The following TMEM132B variants were observed in gnomAD, a reference collection of about 807,000 sequenced individuals.
TMEM132B encodes the protein transmembrane protein 132B.
Under a neutral mutation model 90.8 loss-of-function variants are expected in TMEM132B, and 18 were observed. That is an observed-to-expected ratio of 0.20 (90% CI 0.14 to 0.29). The LOEUF (loss-of-function observed/expected upper bound fraction) is 0.29, where lower values mean the gene tolerates loss of function less well. TMEM132B is among the 10% of genes least tolerant of loss of function. The pLI, the probability that TMEM132B is intolerant of heterozygous loss-of-function variation, is 1.00. For missense variants in TMEM132B, 1,096 were observed against 1,326.8 expected (o/e 0.83, Z 2.70); for synonymous variants, 504 against 523.3 (o/e 0.96, Z 0.50).
Position 125,583,796 on chromosome 12 carries a change from C to T in TMEM132B, c.1294-55C>T, listed in dbSNP as rs1050024726. On this transcript the variant is annotated intron_variant, in intron 4 of 8. Transcript: ENST00000682704. ...GAGCTTGGTGGACACCCCTCTCCTGCTCGCCCCTGTGGTATGCACGTTTGC... is the reference window on the plus strand; with the variant it reads ...GAGCTTGGTGGACACCCCTCTCCTGTTCGCCCCTGTGGTATGCACGTTTGC... 9 of 1,596,818 alleles carry T rather than the reference C, an allele frequency of 5.6e-6. No homozygotes were observed. In the African/African-American group the frequency reaches 8.1e-5, roughly 14 times the overall value.
At chr12:125,405,185 T>C (rs745486298) in intron 2 of TMEM132B, among the ~76,000 whole-genome samples, 4 of 152,198 alleles carry the variant, frequency 2.6e-5, no homozygotes, top group African/African-American at 4.8e-5. Flanking sequence ...GTCCGTAGGG[T>C]TGAGAAACCT....
chr12:125,538,070 A>G (rs1356281592), intron 4 of TMEM132B, among the ~76,000 whole-genome samples: 3 of 152,278 alleles, frequency 2.0e-5, no homozygotes, highest in African/African-American at 7.2e-5. Context: ...TCAAGTCTCC[A>G]TCCGCTGTGC....
chr12:125,544,776 G>A (rs1364148493), intron 4 of TMEM132B, among the ~76,000 whole-genome samples: 1 of 152,190 alleles, frequency 6.6e-6, no homozygotes, highest in Non-Finnish European at 1.5e-5. Context: ...GGAGCAGTGG[G>A]TATAGGGTGT....
At chr12:125,645,418 T>G (rs1886738911) in intron 6 of TMEM132B, among the ~76,000 whole-genome samples, 1 of 152,088 alleles carries the variant, frequency 6.6e-6, no homozygotes, top group Non-Finnish European at 1.5e-5. Context: ...TCCTGCCAAC[T>G]GGTAGCAGAA....
chr12:125,630,170 T>TTCCC (rs1886328100), intron 5 of TMEM132B, among the ~76,000 whole-genome samples: 1 of 152,134 alleles, frequency 6.6e-6, no homozygotes, highest in South Asian at 2.1e-4. Flanking sequence ...TTTGGAAGTA[T>TTCCC]TCCCTCCTCC....
intron 1 of TMEM132B, among the ~76,000 whole-genome samples, chr12:125,242,993 C>G (rs1255379209): frequency 1.5e-5 from 2 of 134,682 alleles, no homozygotes; most frequent in Admixed American, 7.9e-5. Context: ...GCTCTTTTCT[C>G]TTTCTCTCTC....
At chr12:125,532,399 C>T (rs1019291482) in intron 4 of TMEM132B, among the ~76,000 whole-genome samples, 3 of 152,126 alleles carry the variant, frequency 2.0e-5, no homozygotes, top group Admixed American at 2.0e-4. Context: ...AAATACTGCC[C>T]TGGAATTGTC....
At chr12:125,231,325 A>G (rs1225236630) in intron 1 of TMEM132B, among the ~76,000 whole-genome samples, 1 of 152,030 alleles carries the variant, frequency 6.6e-6, no homozygotes, top group African/African-American at 2.4e-5. Context: ...CACCTTAACT[A>G]ATGACATCTG....
chr12:125,511,344 A>G (rs1882972787), intron 3 of TMEM132B, among the ~76,000 whole-genome samples: 1 of 152,216 alleles, frequency 6.6e-6, no homozygotes, highest in African/African-American at 2.4e-5. Context: ...GGGATGAACC[A>G]TAAGGATACG....
rs1490802485 is a variant in TMEM132B, at chr12:125,658,360, T to C, written c.*3650T>C. 6.6e-6 allele frequency: 1 copy of C among 152,250 alleles called. No individual in the cohort carries two copies. The highest frequency in any genetic ancestry group is 2.4e-5 in the African/African-American group (1 of 41,466). 9.4% of individuals were successfully genotyped at this position (152,250 alleles called of 1,614,324 possible). On this transcript the variant is annotated 3_prime_UTR_variant, in exon 9 of 9. Coordinates refer to ENST00000682704, the MANE Select transcript of TMEM132B (RefSeq NM_001366854.1). ...CCATTACTGGGATGTCGGGGCCCTGTCAGAGAACTATTATTAAGGCTCTGT... is the reference window on the plus strand; with the variant it reads ...CCATTACTGGGATGTCGGGGCCCTGCCAGAGAACTATTATTAAGGCTCTGT...
intron 3 of TMEM132B, among the ~76,000 whole-genome samples, chr12:125,464,127 G>A (rs7976519): frequency 1 from 151,901 of 152,322 alleles, 75,741 homozygotes; most frequent in Non-Finnish European, 1. Context: ...GCCAAATCAT[G>A]TCACCATCCA....
At position 125,653,586 on chromosome 12, in the gene TMEM132B, A is replaced by G; in HGVS notation, c.2128A>G (p.Ile710Val). 6.2e-7 allele frequency: 1 copy of G among 1,606,738 alleles called. No individual in the cohort carries two copies. Among genetic ancestry groups the G allele is most frequent in the Non-Finnish European group, 8.5e-7 (1 of 1,173,880 alleles). Residue 710 changes from isoleucine to valine, a missense_variant, in exon 9 of 9, where the codon ATT becomes GTT. Coordinates refer to ENST00000682704, the MANE Select transcript of TMEM132B (RefSeq NM_001366854.1). ...TCAGGAAGCAATAGTAAGTTCTTGG[A>G]TTTTGTTCAGTGATGGTTCGGTGAC... Reference protein sequence around the residue: ...PQQEAIVSSWILFSDGSVTPL... With the variant: ...PQQEAIVSSWVLFSDGSVTPL...
intron 1 of TMEM132B, among the ~76,000 whole-genome samples, chr12:125,189,278 G>A (rs1488614630): frequency 6.6e-6 from 1 of 152,226 alleles, no homozygotes; most frequent in Non-Finnish European, 1.5e-5. Context: ...TACATGCTGT[G>A]GCTTTGCAAA....
chr12:125,420,122 A>C (rs982374805), intron 3 of TMEM132B, among the ~76,000 whole-genome samples: 2 of 152,360 alleles, frequency 1.3e-5, no homozygotes, highest in African/African-American at 4.8e-5. Flanking sequence ...GCAAGCCGTC[A>C]GTGGATCTAA....
chr12:125,602,622 C>T (rs538200022), intron 5 of TMEM132B, among the ~76,000 whole-genome samples: 195 of 152,090 alleles, frequency 1.3e-3, no homozygotes, highest in African/African-American at 4.4e-3. Context: ...AGGGCGATCA[C>T]GCAAAAGAAA....
At chr12:125,231,717 A>G (rs1459728228) in intron 1 of TMEM132B, among the ~76,000 whole-genome samples, 1 of 152,164 alleles carries the variant, frequency 6.6e-6, no homozygotes, top group East Asian at 1.9e-4. Context: ...AGGATTTCAC[A>G]GAACAGAGTT....
intron 1 of TMEM132B, among the ~76,000 whole-genome samples, chr12:125,343,454 A>G (rs1593095044): frequency 6.6e-6 from 1 of 152,282 alleles, no homozygotes; most frequent in South Asian, 2.1e-4. Flanking sequence ...TGTGAGCATT[A>G]AGCTTCGGCT....
intron 1 of TMEM132B, among the ~76,000 whole-genome samples, chr12:125,229,298 A>T (rs184051119): frequency 6.6e-6 from 1 of 152,292 alleles, no homozygotes; most frequent in Non-Finnish European, 1.5e-5. Context: ...TTGATCCAGG[A>T]CTTGCTTTTG....
intron 4 of TMEM132B, among the ~76,000 whole-genome samples, chr12:125,557,703 T>TA (rs58521668): frequency 5.3e-5 from 8 of 151,964 alleles, no homozygotes; most frequent in African/African-American, 1.9e-4. Context: ...ATGGCAGAGA[T>TA]AAAAAAAAAT....
Sources: allele counts gnomAD v4.1 joint callset (sites outside exome capture counted in the v4.1 genomes callset), GRCh38; gene constraint gnomAD v4.1.1; transcripts MANE v1.5; gene names NCBI Gene and HGNC (gene_info 2026-07-23, HGNC 2026-07-21).